The following LINGO1 variants were observed in gnomAD, a reference collection of about 807,000 sequenced individuals.
LINGO1 encodes leucine rich repeat and Ig domain containing 1, also known as leucine-rich repeat and immunoglobulin-like domain-containing nogo receptor-interacting protein 1.
LINGO1 carries 11 observed loss-of-function variants against 37.3 expected under a neutral mutation model. That is an observed-to-expected ratio of 0.29 (90% CI 0.19 to 0.49). The LOEUF (loss-of-function observed/expected upper bound fraction) is 0.49. Ranked by LOEUF, LINGO1 falls within the 20% of genes least tolerant of loss-of-function variation. The probability of loss-of-function intolerance (pLI) is 0.99; values close to 1 mark genes in which losing one functional copy is unlikely to be tolerated. For synonymous variants in LINGO1, 387 were observed against 403.0 expected, an observed-to-expected ratio of 0.96 and a Z score of 0.48; for missense variants, 585 against 878.2, an observed-to-expected ratio of 0.67 and a Z score of 4.22.
At chr15:77,652,521 TGTGTGTGTG>T (rs2074783629) in intron 3 of LINGO1, among the ~76,000 whole-genome samples, 2 of 151,024 alleles carry the variant, frequency 1.3e-5, no homozygotes, top group African/African-American at 4.9e-5. Context: ...TGTGTGTGTG[TGTGTGTGTG>T]TTGCCAGAAT....
At chr15:77,769,258 GAGC>G (rs1361033491) in intron 1 of LINGO1, among the ~76,000 whole-genome samples, 2 of 152,344 alleles carry the variant, frequency 1.3e-5, no homozygotes, top group Admixed American at 1.3e-4. Flanking sequence ...AGGCTTAGAT[GAGC>G]AGAAATTTGC....
intron 1 of LINGO1, among the ~76,000 whole-genome samples, chr15:77,814,940 G>A (rs2141485259): frequency 6.6e-6 from 1 of 152,360 alleles, no homozygotes. Flanking sequence ...CATGTGAGGA[G>A]GGTGGCTGGC....
chr15:77,817,424 C>T (rs1216338159), intron 1 of LINGO1, among the ~76,000 whole-genome samples: 1 of 152,132 alleles, frequency 6.6e-6, no homozygotes, highest in Non-Finnish European at 1.5e-5. Flanking sequence ...AAGGACAATG[C>T]CAGGACCCAG....
chr15:77,782,253 G>A (rs1051128149), intron 1 of LINGO1, among the ~76,000 whole-genome samples: 7 of 150,216 alleles, frequency 4.7e-5, no homozygotes, highest in South Asian at 2.1e-4. Context: ...ACACGTGCCC[G>A]CATACACATG....
chr15:77,727,073 G>C (rs1313887114), intron 2 of LINGO1, among the ~76,000 whole-genome samples: 1 of 152,176 alleles, frequency 6.6e-6, no homozygotes. Context: ...GGTCACTACG[G>C]AAAGAAAAAT....
intron 1 of LINGO1, among the ~76,000 whole-genome samples, chr15:77,742,645 T>C (rs1373798831): frequency 1.3e-5 from 2 of 152,126 alleles, no homozygotes; most frequent in African/African-American, 4.8e-5. Flanking sequence ...CAGCTAACAA[T>C]GAGAAAAAGC....
intron 1 of LINGO1, among the ~76,000 whole-genome samples, chr15:77,617,584 T>C (rs1034412678): frequency 6.6e-6 from 1 of 152,092 alleles, no homozygotes; most frequent in Non-Finnish European, 1.5e-5. Context: ...CAGGCCCTTC[T>C]CCCACCCCTT....
Position 77,613,705 on chromosome 15 carries a change from TA to T in LINGO1, c.*338del, listed in dbSNP as rs2073583112. 6.9e-6 allele frequency: 2 copies of T among 290,220 alleles called. No individual in the cohort carries two copies. Among genetic ancestry groups the T allele is most frequent in the Non-Finnish European group, 1.3e-5 (2 of 154,882 alleles). 18.0% of individuals were successfully genotyped at this position (290,220 alleles called of 1,614,324 possible). A position where few individuals can be genotyped will look rare whatever the true frequency, so the allele number is the denominator to read the frequency against. The stretch of plus-strand genomic sequence containing the variant: ...CTCTTTTTATTATTTCAAGTTTTCA[TA>T]AAAATCCATAATTATTGAAACCCAA... On this transcript the variant is annotated 3_prime_UTR_variant, in exon 2 of 2. Coordinates refer to ENST00000355300, the MANE Select transcript of LINGO1 (RefSeq NM_032808.7).
intron 1 of LINGO1, among the ~76,000 whole-genome samples, chr15:77,630,583 C>T (rs1382343693): frequency 6.6e-6 from 1 of 152,186 alleles, no homozygotes; most frequent in Admixed American, 6.5e-5. Flanking sequence ...CTCTCCACCT[C>T]CCTCCCAGTC....
In LINGO1 at chr15:77,816,078, C is replaced by T. The variant is rs191301524; in HGVS notation, c.-458+4180G>A. On this transcript the variant is annotated intron_variant, in intron 1 of 5. Transcript: ENST00000562933. ...GAGCATAGATCAAGTGCCGGAAAAT[C>T]TCAGCAGGTCAAGGCCCCGCCAGTC... Among the ~76,000 whole-genome samples, 19 of 152,354 alleles carry T rather than the reference C, an allele frequency of 1.2e-4. No homozygotes were observed. The East Asian group carries it at 2.9e-3, about 23-fold the overall frequency.
intron 1 of LINGO1, among the ~76,000 whole-genome samples, chr15:77,692,436 T>C (rs66951253): frequency 0.081 from 12,393 of 152,316 alleles, 574 homozygotes; most frequent in Middle Eastern, 0.13. Context: ...TTCTCCTTTT[T>C]AATTTCATGG....
Position 77,723,667 on chromosome 15 carries a change from G to A in LINGO1, c.-195+11325C>T, listed in dbSNP as rs369894478. On this transcript the variant is annotated intron_variant, in intron 2 of 3. Transcript: ENST00000561686. ...CCTAGTCCAGGCTCAGCAGGGCAGG[G>A]AGGGACTGCCCCCAGGCCTGGGCAT... is the stretch of plus-strand genomic sequence containing the variant. Among the ~76,000 whole-genome samples, 6 of 152,306 alleles carry A rather than the reference G, an allele frequency of 3.9e-5. No homozygotes were observed. In the East Asian group the frequency reaches 9.7e-4, roughly 25 times the overall value.
At chr15:77,682,493 T>C (rs904880194) in intron 2 of LINGO1, among the ~76,000 whole-genome samples, 1 of 152,066 alleles carries the variant, frequency 6.6e-6, no homozygotes, top group South Asian at 2.1e-4. Context: ...TGCACCTGCA[T>C]GCATTTCGCT....
intron 1 of LINGO1, among the ~76,000 whole-genome samples, chr15:77,742,937 C>T (rs554989507): frequency 4.8e-4 from 73 of 152,234 alleles, no homozygotes; most frequent in Non-Finnish European, 7.3e-4. Flanking sequence ...TGCATTTCCA[C>T]GATGCTCCAA....
intron 1 of LINGO1, among the ~76,000 whole-genome samples, chr15:77,799,883 G>C (rs1567591201): frequency 6.6e-6 from 1 of 152,190 alleles, no homozygotes; most frequent in Non-Finnish European, 1.5e-5. Context: ...AGACCCGCCA[G>C]CTGTGTGTGT....
intron 2 of LINGO1, among the ~76,000 whole-genome samples, chr15:77,690,391 T>C (rs1465755947): frequency 6.6e-6 from 1 of 152,164 alleles, no homozygotes; most frequent in African/African-American, 2.4e-5. Context: ...CTTTTGACCA[T>C]GTCATGCCAA....
intron 3 of LINGO1, among the ~76,000 whole-genome samples, chr15:77,676,581 G>C (rs1018696068): frequency 6.6e-6 from 1 of 152,198 alleles, no homozygotes; most frequent in South Asian, 2.1e-4. Flanking sequence ...GTTGAGACAG[G>C]CTCGCTCCGG....
chr15:77,707,626 G>C (rs901184662), intron 2 of LINGO1: 1 of 152,288 alleles, frequency 6.6e-6, no homozygotes, highest in Non-Finnish European at 1.5e-5. Flanking sequence ...CTGGGCAAAA[G>C]GACTGGACAA....
intron 3 of LINGO1, among the ~76,000 whole-genome samples, chr15:77,663,484 C>T (rs1041122456): frequency 1.3e-5 from 2 of 152,156 alleles, no homozygotes; most frequent in Admixed American, 1.3e-4. Flanking sequence ...TCTAGGGGAC[C>T]CGTTTAACCA....
Sources: allele counts gnomAD v4.1 joint callset (sites outside exome capture counted in the v4.1 genomes callset), GRCh38; gene constraint gnomAD v4.1.1; transcripts MANE v1.5; gene names NCBI Gene and HGNC (gene_info 2026-07-23, HGNC 2026-07-21).